The following NSD2 variants were observed in gnomAD, a reference collection of about 807,000 sequenced individuals.
NSD2 encodes histone-lysine N-methyltransferase NSD2.
A neutral mutation model predicts 139.0 loss-of-function variants in NSD2; 12 were observed. The observed-to-expected ratio is 0.09, with a 90% CI of 0.06 to 0.14. NSD2 has a LOEUF of 0.14. Ranked by LOEUF, NSD2 falls within the 10% of genes least tolerant of loss-of-function variation. The pLI is 1.00. For synonymous variants in NSD2, 669 were observed against 648.7 expected (o/e 1.03, Z -0.48); for missense variants, 1,155 against 1,745.0 (o/e 0.66, Z 6.02).
chr4:1,975,609 G>A, intron 20 of NSD2: 2 of 556,682 alleles, frequency 3.6e-6, no homozygotes, highest in Non-Finnish European at 6.4e-6. Flanking sequence ...TCCTGGGGCT[G>A]CCAGAACAAT....
chr4:1,909,942 G>A (rs1460269012), intron 3 of NSD2, among the ~76,000 whole-genome samples: 2 of 147,790 alleles, frequency 1.4e-5, no homozygotes, highest in East Asian at 2.0e-4. Context: ...CCCGGCACCC[G>A]TTAAAAAAAA....
At chr4:1,880,394 A>C (rs888341823) in intron 1 of NSD2, among the ~76,000 whole-genome samples, 2 of 152,126 alleles carry the variant, frequency 1.3e-5, no homozygotes, top group Non-Finnish European at 2.9e-5. Flanking sequence ...AGCAGTCTAT[A>C]TGTGCATGGA....
At chr4:1,916,803 C>A in intron 3 of NSD2, 68 bp from the exon 4 acceptor site, 1 of 1,484,236 alleles carries the variant, frequency 6.7e-7, no homozygotes, top group Non-Finnish European at 9.1e-7. Flanking sequence ...TGCAAAATAG[C>A]AGTAGATTTG....
Position 1,917,225 on chromosome 4 carries a change from GA to G in NSD2, c.927+189del, listed in dbSNP as rs575489058. Among the ~76,000 whole-genome samples, 1,308 of 152,070 alleles carry G rather than the reference GA, an allele frequency of 8.6e-3. 11 individuals carry two copies. Among genetic ancestry groups the G allele is most frequent in the Non-Finnish European group, 0.014 (935 of 67,974 alleles). The stretch of plus-strand genomic sequence containing the variant: ...ATAAAGTTCTTTTAGAGACACAACT[GA>G]TTTTTTTTTGCTCATTTGATGACTC... On this transcript the variant is annotated intron_variant, in intron 4 of 21. Coordinates refer to ENST00000508803, the MANE Select transcript of NSD2 (RefSeq NM_001042424.3).
chr4:1,913,775 A>G (rs1718998076), intron 3 of NSD2, among the ~76,000 whole-genome samples: 1 of 151,594 alleles, frequency 6.6e-6, no homozygotes. Context: ...CAGTCTCCGC[A>G]TCTTGGTGGT....
intron 1 of NSD2, among the ~76,000 whole-genome samples, chr4:1,871,911 C>G (rs1315671978): frequency 1.4e-5 from 2 of 147,436 alleles, no homozygotes; most frequent in Non-Finnish European, 3.0e-5. Flanking sequence ...CCCGGCCGGG[C>G]CCTGCGGCTG....
Position 1,978,831 on chromosome 4 carries a change from G to GCCC in NSD2, c.4026_4028dup (p.Pro1343dup). 6.2e-7 allele frequency: 1 copy of GCCC among 1,601,610 alleles called. No homozygotes were observed. The highest frequency in any genetic ancestry group is 8.5e-7 in the Non-Finnish European group (1 of 1,171,642). On this transcript the variant is annotated inframe_insertion, in exon 22 of 22. Transcript: ENST00000508803. ...CGGTCAGAAGCACCAAGACTGAGAA[G>GCCC]CCCCCCCCAGAGCCAGGGAAGCCGA...
intron 6 of NSD2, among the ~76,000 whole-genome samples, chr4:1,931,188 C>G (rs1721592381): frequency 6.6e-6 from 1 of 152,188 alleles, no homozygotes; most frequent in Non-Finnish European, 1.5e-5. Context: ...CTTCTGAGAG[C>G]AATCCTCCTG....
At chr4:1,883,647 A>G (rs889518883) in intron 1 of NSD2, among the ~76,000 whole-genome samples, 1 of 151,818 alleles carries the variant, frequency 6.6e-6, no homozygotes, top group Non-Finnish European at 1.5e-5. Context: ...AAAAAAAAAA[A>G]AAGCGTACCT....
intron 9 of NSD2, chr4:1,944,673 A>C (rs1723436238): frequency 3.8e-6 from 4 of 1,064,062 alleles, no homozygotes; most frequent in Non-Finnish European, 4.6e-6. Context: ...GGTAGTGCAC[A>C]TATTGGCAAT....
At chr4:1,952,260 AGCCTGGCCGGC>A in intron 11 of NSD2, 29 bp downstream of exon 11, 1 of 1,611,144 alleles carries the variant, frequency 6.2e-7, no homozygotes, top group Non-Finnish European at 8.5e-7. Flanking sequence ...GCAGCTCTGC[AGCCTGGCCGGC>A]CACCTGCTCC....
At chr4:1,961,565 G>T (rs981346826) in intron 18 of NSD2, among the ~76,000 whole-genome samples, 1 of 152,110 alleles carries the variant, frequency 6.6e-6, no homozygotes, top group Non-Finnish European at 1.5e-5. Flanking sequence ...AATCGTTTTT[G>T]CTTGGTTGTT....
intron 1 of NSD2, among the ~76,000 whole-genome samples, chr4:1,883,661 C>G (rs1488274802): frequency 6.6e-6 from 1 of 151,812 alleles, no homozygotes; most frequent in Non-Finnish European, 1.5e-5. Flanking sequence ...CGTACCTCCT[C>G]CGCTCTGCTG....
In NSD2 at chr4:1,948,872, T is replaced by G; in HGVS notation, c.1882-2200T>G. The G allele has an allele frequency of 1.1e-6, 1 of 930,250 alleles. No individual in the cohort carries two copies. Among genetic ancestry groups the G allele is most frequent in the Non-Finnish European group, 1.3e-6 (1 of 770,312 alleles). 57.6% of individuals were successfully genotyped at this position (930,250 alleles called of 1,614,324 possible). On this transcript the variant is annotated intron_variant, in intron 9 of 21. Transcript: ENST00000508803. The surrounding 1 kb of genome is among the most constrained non-coding windows in gnomAD (Gnocchi z 4.5). ...TTCTCTCCATGCATTTTTTTTCTCA[T>G]TTTTAAAGCTTTTTAAGTTTGTTCC...
chr4:1,979,167 C>G lies in NSD2; in HGVS notation c.*258C>G. On this transcript the variant is annotated 3_prime_UTR_variant, in exon 22 of 22. Transcript: ENST00000508803. ...CTCACTCCTCAGCGTTACCGCCACA[C>G]TTGAATTTCTCCGAATGTCAAGGTT... The G allele has an allele frequency of 1.3e-5, 5 of 398,100 alleles. No individual in the cohort carries two copies. The allele number at this position is 398,100 out of a possible 1,614,324, so 24.7% of individuals were successfully genotyped here. A position where few individuals can be genotyped will look rare whatever the true frequency, so the allele number is the denominator to read the frequency against.
At chr4:1,939,309 T>C (rs189200247) in intron 8 of NSD2, 15 of 277,520 alleles carry the variant, frequency 5.4e-5, no homozygotes, top group African/African-American at 3.2e-4. Flanking sequence ...ATGTAAGACT[T>C]TATGTTTAGA....
rs1482501425 is a variant in NSD2 at position 1,958,848 on chromosome 4, C to T, written c.2986-623C>T. 6.6e-6 allele frequency among the ~76,000 whole-genome samples: 1 copy of T among 152,220 alleles called. No individual in the cohort carries two copies. The highest frequency in any genetic ancestry group is 1.9e-4 in the East Asian group (1 of 5,202). On this transcript the variant is annotated intron_variant, in intron 16 of 21. Coordinates refer to ENST00000508803, the MANE Select transcript of NSD2 (RefSeq NM_001042424.3). This position sits in a 1 kb window ranked among gnomAD's most constrained non-coding sequence, Gnocchi z 4.6. Reference sequence around the variant, plus strand: ...CCAAAATGTACAGTTTGTCATACCACAGCAGTGAAAAGAGTGTCTTTCGCC... The same window carrying T: ...CCAAAATGTACAGTTTGTCATACCATAGCAGTGAAAAGAGTGTCTTTCGCC...
chr4:1,934,910 A>ATATAT (rs59927644), intron 6 of NSD2, among the ~76,000 whole-genome samples: 96 of 106,270 alleles, frequency 9.0e-4, no homozygotes, highest in African/African-American at 2.2e-3. Context: ...TATATATATA[A>ATATAT]AAAACAGATA....
At chr4:1,951,415 G>C (rs1472868929) in intron 10 of NSD2, among the ~76,000 whole-genome samples, 6 of 138,352 alleles carry the variant, frequency 4.3e-5, no homozygotes, top group African/African-American at 1.6e-4. Context: ...TTCACATGTA[G>C]GATGAGATTT....
Sources: gnomAD v4.1 joint callset for allele counts (sites outside exome capture counted in the v4.1 genomes callset) on GRCh38, gnomAD v4.1.1 for gene constraint, Gnocchi (gnomAD v3.1) non-coding constraint, MANE v1.5 for transcripts, NCBI Gene and HGNC (gene_info 2026-07-23, HGNC 2026-07-21) for gene names.